COLEC10: variants seen among roughly 807,000 people sequenced by gnomAD.
COLEC10 encodes collectin-10.
A neutral mutation model predicts 28.4 loss-of-function variants in COLEC10; 22 were observed. That is an observed-to-expected ratio of 0.78 (90% CI 0.55 to 1.11). The LOEUF is 1.11. Ranked by LOEUF, COLEC10 falls within the 50% of genes least tolerant of loss-of-function variation. The pLI is 0.00. For missense variants in COLEC10, 361 were observed against 344.1 expected, an observed-to-expected ratio of 1.05 and a Z score of -0.39; for synonymous variants, 125 against 116.1, an observed-to-expected ratio of 1.08 and a Z score of -0.49.
intron 2 of COLEC10, among the ~76,000 whole-genome samples, chr8:119,052,527 C>T (rs1814691573): frequency 6.6e-6 from 1 of 152,086 alleles, no homozygotes; most frequent in Non-Finnish European, 1.5e-5. Flanking sequence ...ATTCAATTTC[C>T]AGTTGTGGCA....
chr8:119,091,274 G>T, intron 3 of COLEC10, 54 bp downstream of exon 3: 1 of 1,335,146 alleles, frequency 7.5e-7, no homozygotes, highest in Non-Finnish European at 1.1e-6. Context: ...TTGAGGCCGG[G>T]TACGATGGCT....
At chr8:118,974,484 C>T in the COLEC10 span, among the ~76,000 whole-genome samples, 1 of 151,982 alleles carries the variant, frequency 6.6e-6, no homozygotes, top group Admixed American at 6.6e-5. Flanking sequence ...CCTTCAAGGA[C>T]ATTCAGTTAC....
At chr8:119,065,379 C>T (rs1401446168), upstream of COLEC10, among the ~76,000 whole-genome samples, 1 of 152,032 alleles carries the variant, frequency 6.6e-6, no homozygotes, top group African/African-American at 2.4e-5. Context: ...ATTTAGGTTG[C>T]CTGATATTTA....
At chr8:119,105,374 G>A (rs1815915883) in intron 5 of COLEC10, among the ~76,000 whole-genome samples, 1 of 152,154 alleles carries the variant, frequency 6.6e-6, no homozygotes, top group African/African-American at 2.4e-5. Context: ...TTTCCACTGA[G>A]ATCTAAAGGG....
intron 2 of COLEC10, among the ~76,000 whole-genome samples, chr8:119,090,866 C>G (rs1563740942): frequency 6.6e-6 from 1 of 152,170 alleles, no homozygotes; most frequent in African/African-American, 2.4e-5. Context: ...CTTCTCTAAC[C>G]TTTCTTTTAA....
At chr8:119,063,591 T>C (rs900209226), upstream of COLEC10, among the ~76,000 whole-genome samples, 1 of 152,174 alleles carries the variant, frequency 6.6e-6, no homozygotes, top group Non-Finnish European at 1.5e-5. Flanking sequence ...TCCACCCAGA[T>C]AATCTAGGAT....
At chr8:118,974,072 G>T in the COLEC10 span, among the ~76,000 whole-genome samples, 3 of 151,870 alleles carry the variant, frequency 2.0e-5, no homozygotes, top group Non-Finnish European at 4.4e-5. Context: ...TTTAATTCAG[G>T]CTTTTGCTCC....
chr8:118,953,450 ATAT>A, the COLEC10 span, among the ~76,000 whole-genome samples: 1 of 152,178 alleles, frequency 6.6e-6, no homozygotes, highest in African/African-American at 2.4e-5. Context: ...TTTGTCTAGG[ATAT>A]TATTTGAAGG....
chr8:119,053,532 G>A (rs1321780575), intron 2 of COLEC10, among the ~76,000 whole-genome samples: 1 of 152,062 alleles, frequency 6.6e-6, no homozygotes, highest in Non-Finnish European at 1.5e-5. Context: ...CTTAGCAGGT[G>A]CTGTGCAGTG....
chr8:119,088,138 AAGAG>A (rs1229473739), intron 1 of COLEC10, among the ~76,000 whole-genome samples: 1 of 151,770 alleles, frequency 6.6e-6, no homozygotes, highest in Non-Finnish European at 1.5e-5. Context: ...AAGAGAGAAA[AAGAG>A]AGAGAAGGAA....
chr8:119,076,113 A>G (rs1401007439), intron 1 of COLEC10, among the ~76,000 whole-genome samples: 2 of 131,192 alleles, frequency 1.5e-5, no homozygotes, highest in African/African-American at 5.8e-5. Context: ...GGGTTTCACC[A>G]TGTTAGCCAG....
chr8:119,028,070 C>T (rs1415819379), intron 2 of COLEC10, among the ~76,000 whole-genome samples: 1 of 152,138 alleles, frequency 6.6e-6, no homozygotes, highest in African/African-American at 2.4e-5. Flanking sequence ...AGCATGTACT[C>T]AGTTCTTAGC....
chr8:118,985,082 C>G, the COLEC10 span, among the ~76,000 whole-genome samples: 36 of 152,150 alleles, frequency 2.4e-4, no homozygotes, highest in Non-Finnish European at 4.4e-4. Flanking sequence ...GGGGGGGACA[C>G]AGAGCCAAAC....
intron 1 of COLEC10, among the ~76,000 whole-genome samples, chr8:119,078,065 T>G (rs976759142): frequency 5.9e-5 from 9 of 152,136 alleles, no homozygotes; most frequent in African/African-American, 2.2e-4. Context: ...GAGAACCCAC[T>G]CATTACCACA....
intron 1 of COLEC10, among the ~76,000 whole-genome samples, chr8:119,069,466 G>T (rs778451635): frequency 6.7e-6 from 1 of 150,194 alleles, no homozygotes. Flanking sequence ...AATTAGCCAG[G>T]TGTGGTGGTG....
At chr8:119,052,390 G>A (rs1048084393) in intron 2 of COLEC10, among the ~76,000 whole-genome samples, 1 of 151,690 alleles carries the variant, frequency 6.6e-6, no homozygotes, top group East Asian at 1.9e-4. Context: ...GTTATTACAG[G>A]TCCTTTCAGC....
intron 2 of COLEC10, among the ~76,000 whole-genome samples, chr8:119,045,760 TTGA>T (rs1264354736): frequency 6.6e-6 from 1 of 152,196 alleles, no homozygotes; most frequent in Non-Finnish European, 1.5e-5. Flanking sequence ...TCTCCCTCAT[TTGA>T]TGAATTCTAA....
At chr8:118,965,302 T>C in the COLEC10 span, among the ~76,000 whole-genome samples, 1 of 152,158 alleles carries the variant, frequency 6.6e-6, no homozygotes, top group Non-Finnish European at 1.5e-5. Flanking sequence ...CTTTCTTTTG[T>C]CACCTAAGAA....
chr8:119,049,008 A>T (rs1364182830), intron 2 of COLEC10, among the ~76,000 whole-genome samples: 2 of 152,020 alleles, frequency 1.3e-5, no homozygotes, highest in African/African-American at 4.8e-5. Flanking sequence ...TCCCTTAAGG[A>T]CCTCTTATAA....
Sources: allele counts gnomAD v4.1 joint callset (sites outside exome capture counted in the v4.1 genomes callset), GRCh38; gene constraint gnomAD v4.1.1; transcripts MANE v1.5; gene names NCBI Gene and HGNC (gene_info 2026-07-23, HGNC 2026-07-21).